The following ZC3H12C variants were observed in gnomAD, a reference collection of about 807,000 sequenced individuals.
ZC3H12C encodes the protein zinc finger CCCH-type containing 12C, also known as probable ribonuclease ZC3H12C.
In ZC3H12C, 20 loss-of-function variants were observed where a neutral mutation model predicts 76.3. The observed-to-expected ratio is 0.26, with a 90% CI of 0.18 to 0.38. The LOEUF (loss-of-function observed/expected upper bound fraction) is 0.38. Among genes scored for constraint, ZC3H12C ranks in the 10% least tolerant of loss-of-function variants. The pLI is 1.00. For synonymous variants in ZC3H12C, 352 were observed against 399.6 expected, an observed-to-expected ratio of 0.88 and a Z score of 1.42; for missense variants, 874 against 1,086.5, an observed-to-expected ratio of 0.80 and a Z score of 2.75.
chr11:110,142,787 T>C (rs1027911663), intron 2 of ZC3H12C, among the ~76,000 whole-genome samples: 1 of 152,200 alleles, frequency 6.6e-6, no homozygotes, highest in Non-Finnish European at 1.5e-5. Context: ...AAGCCCAATA[T>C]TTAAAATCAA....
At chr11:110,158,381 G>T (rs559561668) in intron 3 of ZC3H12C, among the ~76,000 whole-genome samples, 81 of 152,104 alleles carry the variant, frequency 5.3e-4, no homozygotes, top group African/African-American at 1.8e-3. Context: ...GTGGTGACAG[G>T]CGCCTGTAAT....
chr11:110,115,925 A>G (rs569205151), intron 1 of ZC3H12C, among the ~76,000 whole-genome samples: 2 of 151,662 alleles, frequency 1.3e-5, no homozygotes, highest in South Asian at 2.1e-4. Context: ...ATGCTCAGCT[A>G]ATTTTTGTAT....
chr11:110,135,224 T>C (rs1861934683), intron 1 of ZC3H12C, among the ~76,000 whole-genome samples: 1 of 152,106 alleles, frequency 6.6e-6, no homozygotes, highest in South Asian at 2.1e-4. Context: ...GCGTGGTGGC[T>C]CACACCTGTA....
intron 1 of ZC3H12C, chr11:110,131,694 G>A (rs1236514382): frequency 6.6e-6 from 1 of 152,296 alleles, no homozygotes; most frequent in African/African-American, 2.4e-5. Flanking sequence ...ACATTAGATG[G>A]AAGATGTCAT....
In ZC3H12C at chr11:110,170,253, A is replaced by C. The variant is rs2134208293; in HGVS notation, c.*4516A>C. The stretch of plus-strand genomic sequence containing the variant: ...TAATATGTATTGAATTTCTTTCATA[A>C]ACTTTTCATTTCTGTTGATAAATGG... On this transcript the variant is annotated 3_prime_UTR_variant, in exon 6 of 6. Coordinates refer to ENST00000278590, the MANE Select transcript of ZC3H12C (RefSeq NM_033390.2). 1 of 152,306 alleles carries C rather than the reference A, an allele frequency of 6.6e-6. No individual in the cohort carries two copies. Among genetic ancestry groups the C allele is most frequent in the South Asian group, 2.1e-4 (1 of 4,826 alleles). The allele number at this position is 152,306 out of a possible 1,614,324, so 9.4% of individuals were successfully genotyped here. A position where few individuals can be genotyped will look rare whatever the true frequency, so the allele number is the denominator to read the frequency against.
In ZC3H12C at chr11:110,163,139, A is replaced by G. The variant is rs1430402425; in HGVS notation, c.1149-134A>G. On this transcript the variant is annotated intron_variant, in intron 4 of 5. Coordinates refer to ENST00000278590, the MANE Select transcript of ZC3H12C (RefSeq NM_033390.2). ...TTACTGATTTCTTTTTTACTCTGTA[A>G]ACGTGGAATCAAAACACTTGGATTA... 9.4e-6 allele frequency: 6 copies of G among 635,494 alleles called. No individual in the cohort carries two copies. The Admixed American group carries it at 9.5e-5, about 10-fold the overall frequency. The allele number at this position is 635,494 out of a possible 1,614,324, so 39.4% of individuals were successfully genotyped here. A position where few individuals can be genotyped will look rare whatever the true frequency, so the allele number is the denominator to read the frequency against.
intron 1 of ZC3H12C, among the ~76,000 whole-genome samples, chr11:110,119,879 G>T (rs1219402201): frequency 1.3e-5 from 2 of 152,008 alleles, no homozygotes; most frequent in Non-Finnish European, 2.9e-5. Flanking sequence ...CTTCCCAAAG[G>T]CCCCACCTCT....
At chr11:110,117,474 G>A (rs1310826063) in intron 1 of ZC3H12C, among the ~76,000 whole-genome samples, 1 of 151,414 alleles carries the variant, frequency 6.6e-6, no homozygotes. Context: ...TGTATATAAA[G>A]TTATAATTAC....
intron 2 of ZC3H12C, among the ~76,000 whole-genome samples, chr11:110,137,773 G>A (rs1591476221): frequency 6.6e-6 from 1 of 152,046 alleles, no homozygotes; most frequent in East Asian, 1.9e-4. Context: ...TAGTCAAATG[G>A]TCTATTTCTT....
chr11:110,149,252 C>T (rs375545314), intron 2 of ZC3H12C, among the ~76,000 whole-genome samples: 2 of 152,106 alleles, frequency 1.3e-5, no homozygotes, highest in African/African-American at 2.4e-5. Flanking sequence ...CCTGGTAACT[C>T]GGGGACCCAC....
In ZC3H12C at chr11:110,165,006, G is replaced by A. The variant is rs1862550760; in HGVS notation, c.1921G>A (p.Val641Met). 1.2e-6 allele frequency: 2 copies of A among 1,613,954 alleles called. No homozygotes were observed. Among genetic ancestry groups the A allele is most frequent in the South Asian group, 1.1e-5 (1 of 91,080 alleles). Residue 641 changes from valine (V) to methionine (M), a missense_variant, in exon 6 of 6, where the codon GTG becomes ATG. Around this residue, in one of 3 missense-constraint regions of ZC3H12C, gnomAD observed 395 missense variants for 434.4 expected, o/e 0.91. Transcript: ENST00000278590. ...SMSCGSSDSY[V>M]GYNDRSYVSS... ...GAGCTGTGGGAGCAGTGACTCCTAC[G>A]TGGGTTACAATGACCGGTCCTATGT...
chr11:110,127,237 T>G (rs1861765866), intron 1 of ZC3H12C, among the ~76,000 whole-genome samples: 1 of 152,226 alleles, frequency 6.6e-6, no homozygotes, highest in African/African-American at 2.4e-5. Context: ...TCTACAGCAA[T>G]TTATTTGTCT....
chr11:110,154,827 G>A (rs1196759971), intron 3 of ZC3H12C, among the ~76,000 whole-genome samples: 8 of 44,034 alleles, frequency 1.8e-4, no homozygotes, highest in African/African-American at 5.4e-4. Context: ...AGCTCATACA[G>A]CTTGATTAAA....
intron 1 of ZC3H12C, among the ~76,000 whole-genome samples, chr11:110,097,594 G>A (rs1377704335): frequency 6.6e-6 from 1 of 152,166 alleles, no homozygotes; most frequent in Non-Finnish European, 1.5e-5. Flanking sequence ...TTATGAAGAG[G>A]TATTTCAGTA....
At chr11:110,100,667 T>TG (rs1337880701) in intron 1 of ZC3H12C, among the ~76,000 whole-genome samples, 8 of 152,170 alleles carry the variant, frequency 5.3e-5, no homozygotes, top group South Asian at 4.2e-4. Flanking sequence ...ACTGTAATTT[T>TG]GGGGGGGTGC....
At chr11:110,154,233 T>G (rs1862331171) in intron 3 of ZC3H12C, among the ~76,000 whole-genome samples, 1 of 151,836 alleles carries the variant, frequency 6.6e-6, no homozygotes, top group Non-Finnish European at 1.5e-5. Flanking sequence ...ATTAGCCAGG[T>G]GTGGTGGCAT....
chr11:110,131,493 G>A (rs1861865320), intron 1 of ZC3H12C: 2 of 204,386 alleles, frequency 9.8e-6, no homozygotes, highest in Non-Finnish European at 2.0e-5. Flanking sequence ...GCTATAAAAT[G>A]ATAAGATTTG....
At chr11:110,096,755 G>T (rs1861120372) in intron 1 of ZC3H12C, among the ~76,000 whole-genome samples, 1 of 152,210 alleles carries the variant, frequency 6.6e-6, no homozygotes, top group South Asian at 2.1e-4. Context: ...AAGACGAGAA[G>T]CCTTTCCTCT....
chr11:110,147,587 C>A lies in ZC3H12C; in HGVS notation c.774-5332C>A, dbSNP rs1158772304. Among the ~76,000 whole-genome samples the A allele has an allele frequency of 5.3e-5, 8 of 150,974 alleles. No individual in the cohort carries two copies. The East Asian group carries it at 1.6e-3, about 29-fold the overall frequency. On this transcript the variant is annotated intron_variant, in intron 2 of 5. Coordinates refer to ENST00000278590, the MANE Select transcript of ZC3H12C (RefSeq NM_033390.2). Reference sequence around the variant, plus strand: ...ACCTATGTAACAAACCTGCACATTTCAGCCCATGTATCCCAGAATTTAAAG... The same window carrying A: ...ACCTATGTAACAAACCTGCACATTTAAGCCCATGTATCCCAGAATTTAAAG...
Sources: allele counts gnomAD v4.1 joint callset (sites outside exome capture counted in the v4.1 genomes callset), GRCh38; gene constraint gnomAD v4.1.1; regional missense constraint gnomAD v4.1.1; transcripts MANE v1.5; gene names NCBI Gene and HGNC (gene_info 2026-07-23, HGNC 2026-07-21).